The following YBX3 variants were observed in gnomAD, a reference collection of about 807,000 sequenced individuals.
The protein encoded by YBX3 is Y-box binding protein 3.
YBX3 carries 29 observed loss-of-function variants against 42.4 expected under a neutral mutation model. The ratio of observed to expected loss-of-function variants is 0.68; its 90% confidence interval spans 0.51 to 0.93. YBX3 has a LOEUF of 0.93. YBX3 is among the 40% of genes least tolerant of loss of function. YBX3 has a pLI of 0.00. For missense variants in YBX3, 517 were observed against 527.5 expected (o/e 0.98, Z 0.19); for synonymous variants, 195 against 189.8 (o/e 1.03, Z -0.22).
intron 3 of YBX3, chr12:10,717,674 G>C (rs1948277667): frequency 6.5e-6 from 1 of 154,474 alleles, no homozygotes; most frequent in South Asian, 2.1e-4. Flanking sequence ...TACTTCAATT[G>C]AGAGCTGCTC....
chr12:10,719,087 T>C lies in YBX3; in HGVS notation c.319A>G (p.Ile107Val). 2 of 1,613,266 alleles carry C rather than the reference T, an allele frequency of 1.2e-6. No homozygotes were observed. The highest frequency in any genetic ancestry group is 1.7e-6 in the Non-Finnish European group (2 of 1,179,558). ...WFNVRNGYGF[I>V]NRNDTKEDVF... is the part of the protein sequence containing the mutation. ...ATATACACACACACATACCGATTTA[T>C]AAATCCATATCCATTTCTGACGTTG... The change falls in exon 2 of 10, where the codon ATA (isoleucine) becomes GTA (valine). Residue 107 changes from isoleucine to valine, a missense_variant. Around this residue, in one of 3 missense-constraint regions of YBX3, gnomAD observed 420 missense variants for 408.5 expected, o/e 1.03. Coordinates refer to ENST00000228251, the MANE Select transcript of YBX3 (RefSeq NM_003651.5).
chr12:10,716,697 C>A (rs1013457651), intron 3 of YBX3, among the ~76,000 whole-genome samples: 4 of 152,138 alleles, frequency 2.6e-5, no homozygotes, highest in Non-Finnish European at 5.9e-5. Context: ...TGTAATCCAG[C>A]CCGTCCCCTA....
At chr12:10,710,613 A>T (rs984828811) in intron 5 of YBX3, 11 of 1,249,020 alleles carry the variant, frequency 8.8e-6, no homozygotes, top group Middle Eastern at 4.4e-4. Flanking sequence ...GGGGTCAGCG[A>T]GGTCAAACTA....
Position 10,710,106 on chromosome 12 carries a change from C to G in YBX3, c.582G>C (p.Gly194=). The G allele has an allele frequency of 6.2e-7, 1 of 1,613,268 alleles. No individual in the cohort carries two copies. The highest frequency in any genetic ancestry group is 8.5e-7 in the Non-Finnish European group (1 of 1,179,846). The part of the protein sequence containing the change: ...RRRGPPRNYA[G]EEEEEGSGSS... ...TGCCGCTCCCTTCCTCCTCCTCCTC[C>G]CCAGCGTACTAGCGAAGCAAAGAAA... The change falls in exon 6 of 10, where the codon GGG becomes GGC. Residue 194 remains glycine, a synonymous_variant. Transcript: ENST00000228251.
At chr12:10,711,030 T>C (rs1948194310) in intron 5 of YBX3, 1 of 153,312 alleles carries the variant, frequency 6.5e-6, no homozygotes, top group Non-Finnish European at 1.4e-5. Context: ...AAGGCATGAC[T>C]CCCTTTATAT....
At chr12:10,722,804 G>A in intron 1 of YBX3, 46 bp downstream of exon 1, 1 of 1,382,726 alleles carries the variant, frequency 7.2e-7, no homozygotes, top group African/African-American at 1.5e-5. Context: ...CGGCCGGCTG[G>A]GCCCGCCCCA....
At chr12:10,717,978 G>C in intron 3 of YBX3, 110 bp downstream of exon 3, 1 of 877,394 alleles carries the variant, frequency 1.1e-6, no homozygotes, top group Non-Finnish European at 1.7e-6. Flanking sequence ...ATCACAGAAA[G>C]AGTTTAGATT....
chr12:10,709,185 CCAA>C (rs1405580653), intron 6 of YBX3, among the ~76,000 whole-genome samples: 1 of 152,020 alleles, frequency 6.6e-6, no homozygotes, highest in Non-Finnish European at 1.5e-5. Flanking sequence ...AAAAGAAACC[CCAA>C]CGACACTGAG....
chr12:10,708,478 T>C (rs1948162156), intron 6 of YBX3, among the ~76,000 whole-genome samples: 2 of 152,356 alleles, frequency 1.3e-5, no homozygotes, highest in Admixed American at 1.3e-4. Flanking sequence ...AGCTTAGTTA[T>C]ATGGATGAGA....
chr12:10,718,589 A>C (rs1454851609), intron 2 of YBX3, among the ~76,000 whole-genome samples: 1 of 152,312 alleles, frequency 6.6e-6, no homozygotes, highest in East Asian at 1.9e-4. Flanking sequence ...GAAAATGCCG[A>C]TATCATGTGA....
chr12:10,720,149 G>C (rs1048029076), intron 1 of YBX3, among the ~76,000 whole-genome samples: 1 of 152,140 alleles, frequency 6.6e-6, no homozygotes, highest in African/African-American at 2.4e-5. Context: ...AGCCTCAGTA[G>C]AGAATGAAAG....
At chr12:10,701,050 T>C (rs1480806170) in intron 9 of YBX3, among the ~76,000 whole-genome samples, 1 of 152,210 alleles carries the variant, frequency 6.6e-6, no homozygotes, top group African/African-American at 2.4e-5. Context: ...TGAATGCTTA[T>C]ACCCTCACCA....
chr12:10,716,354 G>C (rs1408227958), intron 3 of YBX3, among the ~76,000 whole-genome samples: 1 of 152,212 alleles, frequency 6.6e-6, no homozygotes, highest in Non-Finnish European at 1.5e-5. Context: ...CCCCAGGGAT[G>C]ATGGGGGAAG....
At chr12:10,715,589 CA>C in intron 4 of YBX3, 104 bp downstream of exon 4, 1 of 1,082,802 alleles carries the variant, frequency 9.2e-7, no homozygotes, top group Non-Finnish European at 1.4e-6. Context: ...TGCTATTGTA[CA>C]AAAATTCCAA....
chr12:10,713,163 T>C (rs1172953824), intron 5 of YBX3, 48 bp downstream of exon 5: 2 of 1,581,570 alleles, frequency 1.3e-6, no homozygotes, highest in South Asian at 1.2e-5. Context: ...CTTAATTCCA[T>C]GCATGAACAA....
At chr12:10,720,896 A>T (rs1214045365) in intron 1 of YBX3, 2 of 152,186 alleles carry the variant, frequency 1.3e-5, no homozygotes, top group Admixed American at 6.5e-5. Flanking sequence ...ATTCATTCCC[A>T]CGTCTTGCTT....
intron 6 of YBX3, among the ~76,000 whole-genome samples, chr12:10,705,283 C>T (rs1005811743): frequency 6.6e-6 from 1 of 152,068 alleles, no homozygotes; most frequent in Non-Finnish European, 1.5e-5. Flanking sequence ...TTAGTACAGA[C>T]GGGGTTTCAT....
chr12:10,702,223 A>G (rs1025109651), intron 7 of YBX3, 89 bp from the exon 8 acceptor site: 2 of 1,365,644 alleles, frequency 1.5e-6, no homozygotes, highest in East Asian at 2.6e-5. Flanking sequence ...TAAAAATTAA[A>G]AAGTCAAGTG....
At position 10,719,217 on chromosome 12, in the gene YBX3, T is replaced by A. The variant is rs531770611; in HGVS notation, c.263-74A>T. The A allele has an allele frequency of 3.8e-6, 5 of 1,298,720 alleles. No homozygotes were observed. In the South Asian group the frequency reaches 6.3e-5, roughly 16 times the overall value. 80.4% of individuals were successfully genotyped at this position (1,298,720 alleles called of 1,614,324 possible). Reference sequence around the variant, plus strand: ...ATAGCTCATATCACTAAGATCTTGATAACATTAGACAAAGCCTAAACATAC... The same window carrying A: ...ATAGCTCATATCACTAAGATCTTGAAAACATTAGACAAAGCCTAAACATAC... On this transcript the variant is annotated intron_variant, in intron 1 of 9. Transcript: ENST00000228251.
Sources: gnomAD v4.1 joint callset for allele counts (sites outside exome capture counted in the v4.1 genomes callset) on GRCh38, gnomAD v4.1.1 for gene constraint, gnomAD v4.1.1 regional missense constraint, MANE v1.5 for transcripts, NCBI Gene and HGNC (gene_info 2026-07-23, HGNC 2026-07-21) for gene names.